Variants in PRDM16 observed in about 807,000 individuals in gnomAD.
PRDM16 encodes histone-lysine N-methyltransferase PRDM16.
In PRDM16, 23 loss-of-function variants were observed where a neutral mutation model predicts 110.6. The ratio of observed to expected loss-of-function variants is 0.21; its 90% CI spans 0.15 to 0.29. The LOEUF is 0.29. PRDM16 is among the 10% of genes least tolerant of loss of function. The probability of loss-of-function intolerance (pLI) is 1.00; values close to 1 mark genes in which losing one functional copy is unlikely to be tolerated. For synonymous variants in PRDM16, 799 were observed against 781.8 expected, an observed-to-expected ratio of 1.02 and a Z score of -0.37; for missense variants, 1,615 against 1,794.3, an observed-to-expected ratio of 0.90 and a Z score of 1.81.
At chr1:3,395,829 C>T (rs1643377447) in intron 4 of PRDM16, among the ~76,000 whole-genome samples, 1 of 152,250 alleles carries the variant, frequency 6.6e-6, no homozygotes. Context: ...GAGGTCCCCT[C>T]GCCCCCAGGG....
At chr1:3,368,043 A>G (rs1642846076) in intron 3 of PRDM16, among the ~76,000 whole-genome samples, 1 of 152,240 alleles carries the variant, frequency 6.6e-6, no homozygotes. Flanking sequence ...TCTGTACCTG[A>G]CATGCCAGAG....
chr1:3,293,330 C>T (rs115253875), intron 3 of PRDM16, among the ~76,000 whole-genome samples: 1,795 of 152,334 alleles, frequency 0.012, 15 homozygotes, highest in Non-Finnish European at 0.018. Context: ...GGACCAGCAC[C>T]GCATCCCAGG....
At chr1:3,127,513 C>T (rs567227154) in intron 1 of PRDM16, among the ~76,000 whole-genome samples, 4 of 152,316 alleles carry the variant, frequency 2.6e-5, no homozygotes, top group Admixed American at 1.3e-4. Flanking sequence ...AGCCTAGCTT[C>T]CCCGGGCACT....
In PRDM16 at chr1:3,164,795, T is replaced by C. The variant is rs577684349; in HGVS notation, c.38-21330T>C. Among the ~76,000 whole-genome samples, 197 of 152,160 alleles carry C rather than the reference T, an allele frequency of 1.3e-3. 1 individual carries two copies. The highest frequency in any genetic ancestry group is 4.5e-3 in the African/African-American group (186 of 41,496). The stretch of plus-strand genomic sequence containing the variant: ...GGCTGTGTTTGCGGGGGGAGGCTGT[T>C]GGGAAATGGAGGTCGCAGTGCTCCA... On this transcript the variant is annotated intron_variant, in intron 1 of 16. Coordinates refer to ENST00000270722, the MANE Select transcript of PRDM16 (RefSeq NM_022114.4).
chr1:3,384,444 G>A (rs567823631), intron 3 of PRDM16, among the ~76,000 whole-genome samples: 5 of 152,356 alleles, frequency 3.3e-5, no homozygotes, highest in Admixed American at 3.3e-4. Flanking sequence ...TGGACAGCAG[G>A]TCAGGTCTCC....
intron 3 of PRDM16, among the ~76,000 whole-genome samples, chr1:3,285,578 G>A (rs1444966785): frequency 2.0e-5 from 3 of 152,158 alleles, no homozygotes; most frequent in South Asian, 2.1e-4. Flanking sequence ...ATGCTCGCTC[G>A]GGCTTCTTCG....
intron 5 of PRDM16, 29 bp downstream of exon 5, chr1:3,396,622 G>T (rs375883683): frequency 1.2e-5 from 13 of 1,119,462 alleles, no homozygotes; most frequent in African/African-American, 9.3e-5. Context: ...ACCGGGCCAC[G>T]GCCCCTGGGA....
intron 14 of PRDM16, among the ~76,000 whole-genome samples, chr1:3,426,747 C>T (rs1436566988): frequency 6.6e-6 from 1 of 152,152 alleles, no homozygotes; most frequent in East Asian, 1.9e-4. Flanking sequence ...ATACATATGC[C>T]ATTGATGAAT....
intron 2 of PRDM16, among the ~76,000 whole-genome samples, chr1:3,211,025 C>A (rs1638871230): frequency 1.3e-5 from 2 of 152,202 alleles, no homozygotes; most frequent in South Asian, 2.1e-4. Context: ...TTTGTTCATA[C>A]ATTTATTAGT....
chr1:3,356,856 G>A (rs1177854475), intron 3 of PRDM16, among the ~76,000 whole-genome samples: 1 of 152,148 alleles, frequency 6.6e-6, no homozygotes. Flanking sequence ...TAAACTGTAG[G>A]GACCCTCAGA....
intron 3 of PRDM16, among the ~76,000 whole-genome samples, chr1:3,250,115 C>G (rs771023845): frequency 4.6e-4 from 70 of 150,576 alleles, no homozygotes; most frequent in South Asian, 1.5e-3. Context: ...TCCGTCTTCT[C>G]TCCCCCCTCC....
intron 3 of PRDM16, among the ~76,000 whole-genome samples, chr1:3,283,212 C>A (rs1569989751): frequency 6.6e-6 from 1 of 152,292 alleles, no homozygotes; most frequent in African/African-American, 2.4e-5. Flanking sequence ...CACAGCATAT[C>A]CCAGGCACAG....
intron 3 of PRDM16, among the ~76,000 whole-genome samples, chr1:3,319,005 G>A (rs1193769517): frequency 6.6e-6 from 1 of 152,232 alleles, no homozygotes; most frequent in Non-Finnish European, 1.5e-5. Context: ...GACATTTAGA[G>A]TGACATCCAG....
chr1:3,432,060 T>C lies in PRDM16; in HGVS notation c.3616T>C (p.Phe1206Leu), dbSNP rs1446926243. ...CCTCCGCAGAGCAGCTGAGGAAGCA[T>C]TTGAAGTTAAAGATGTGCTTAATTC... ...LDLRRAAEEA[F>L]EVKDVLNSTL... Residue 1206 changes from phenylalanine to leucine, a missense_variant, in exon 16 of 17, where the codon TTT (phenylalanine) becomes CTT (leucine). Around this residue, in one of 5 missense-constraint regions of PRDM16, gnomAD observed 327 missense variants for 359.3 expected, o/e 0.91. Coordinates refer to ENST00000270722, the MANE Select transcript of PRDM16 (RefSeq NM_022114.4). The C allele has an allele frequency of 1.9e-6, 3 of 1,613,924 alleles. No individual in the cohort carries two copies. In the Admixed American group the frequency reaches 5.0e-5, roughly 27 times the overall value.
At chr1:3,426,365 G>C (rs916459819) in intron 14 of PRDM16, 140 bp downstream of exon 14, 2 of 619,732 alleles carry the variant, frequency 3.2e-6, no homozygotes, top group African/African-American at 3.7e-5. Context: ...TCACCACAGA[G>C]GGTGAGGCCC....
In PRDM16 at chr1:3,213,016, G is replaced by A. The variant is rs200448509; in HGVS notation, c.387+26542G>A. 1.4e-4 allele frequency among the ~76,000 whole-genome samples: 22 copies of A among 152,322 alleles called. No homozygotes were observed. In the East Asian group the frequency reaches 3.9e-3, roughly 27 times the overall value. On this transcript the variant is annotated intron_variant, in intron 2 of 16. Transcript: ENST00000270722. The surrounding 1 kb of genome is among the most constrained non-coding windows in gnomAD (Gnocchi z 5.3). The stretch of plus-strand genomic sequence containing the variant: ...AAGTCAGTGGGACCTTTGTGGCCAC[G>A]AAACAGGTCTCACCCAGAAAGGAAA...
intron 2 of PRDM16, among the ~76,000 whole-genome samples, chr1:3,224,253 C>T (rs1027449890): frequency 6.6e-6 from 1 of 152,138 alleles, no homozygotes. Context: ...ATATCGTGCA[C>T]AAAAAAGCAA....
At chr1:3,176,844 T>TAACCCATCCA (rs961721508) in intron 1 of PRDM16, among the ~76,000 whole-genome samples, 1 of 149,278 alleles carries the variant, frequency 6.7e-6, no homozygotes, top group African/African-American at 2.5e-5. Context: ...ATTCATTCAT[T>TAACCCATCCA]AACCCATCCA....
chr1:3,437,465 T>A lies in PRDM16; in HGVS notation c.*3654T>A. 4.4e-6 allele frequency: 1 copy of A among 229,750 alleles called. No homozygotes were observed. Among genetic ancestry groups the A allele is most frequent in the Non-Finnish European group, 8.6e-6 (1 of 115,872 alleles). The allele number at this position is 229,750 out of a possible 1,614,324, so 14.2% of individuals were successfully genotyped here. A position where few individuals can be genotyped will look rare whatever the true frequency, so the allele number is the denominator to read the frequency against. On this transcript the variant is annotated 3_prime_UTR_variant, in exon 17 of 17. Coordinates refer to ENST00000270722, the MANE Select transcript of PRDM16 (RefSeq NM_022114.4). ...CTGAAACCTACTGAGCTATATTCAC[T>A]GTGCTGTCCTAGGGGGAGGGAGAGC...
Sources: allele counts gnomAD v4.1 joint callset (sites outside exome capture counted in the v4.1 genomes callset), GRCh38; gene constraint gnomAD v4.1.1; regional missense constraint gnomAD v4.1.1; non-coding constraint Gnocchi (gnomAD v3.1); transcripts MANE v1.5; gene names NCBI Gene and HGNC (gene_info 2026-07-23, HGNC 2026-07-21).